MFSD6: variants seen among roughly 807,000 people sequenced by gnomAD.
The protein encoded by MFSD6 is major facilitator superfamily domain containing 6, also known as major facilitator superfamily domain-containing protein 6.
Under a neutral mutation model 56.3 loss-of-function variants are expected in MFSD6, and 26 were observed. That is an observed-to-expected ratio of 0.46 (90% CI 0.34 to 0.64). The LOEUF (loss-of-function observed/expected upper bound fraction) is 0.64, where lower values mean the gene tolerates loss of function less well. MFSD6 is among the 30% of genes least tolerant of loss of function. The pLI is 0.01. For missense variants in MFSD6, 750 were observed against 986.2 expected (o/e 0.76, Z 3.21); for synonymous variants, 331 against 366.9 (o/e 0.90, Z 1.12).
intron 4 of MFSD6, among the ~76,000 whole-genome samples, chr2:190,484,801 C>A (rs529084052): frequency 6.6e-6 from 1 of 152,124 alleles, no homozygotes; most frequent in African/African-American, 2.4e-5. Flanking sequence ...TTCACTTATA[C>A]GATATCTTAA....
At position 190,436,572 on chromosome 2, in the gene MFSD6, A is replaced by C. The variant is rs1290766228; in HGVS notation, c.543A>C (p.Thr181=). The change falls in exon 3 of 8, where the codon ACA becomes ACC. Residue 181 remains threonine, a synonymous_variant. Transcript: ENST00000392328. This position sits in a 1 kb window ranked among gnomAD's most constrained non-coding sequence, Gnocchi z 5.3. Reference sequence around the variant, plus strand: ...GTCACCAGTTAACTATCCTGCCAACAAATTCTTCCTTTACCTCTTTCCTCA... The same window carrying C: ...GTCACCAGTTAACTATCCTGCCAACCAATTCTTCCTTTACCTCTTTCCTCA... ...NASHQLTILP[T]NSSFTSFLTI... The C allele has an allele frequency of 6.2e-7, 1 of 1,614,108 alleles. No individual in the cohort carries two copies. The highest frequency in any genetic ancestry group is 1.3e-5 in the African/African-American group (1 of 74,934).
At chr2:190,453,312 C>G (rs375193315) in intron 3 of MFSD6, among the ~76,000 whole-genome samples, 37 of 152,060 alleles carry the variant, frequency 2.4e-4, no homozygotes, top group African/African-American at 8.4e-4. Context: ...GAAGAGGATC[C>G]TGGAGTTTGG....
rs911267436 is a variant in MFSD6 at position 190,436,585 on chromosome 2, A to G, written c.556A>G (p.Thr186Ala). The change falls in exon 3 of 8, where the codon ACC (threonine) becomes GCC (alanine). Residue 186 changes from threonine to alanine, a missense_variant. Transcript: ENST00000392328. The surrounding 1 kb of genome is among the most constrained non-coding windows in gnomAD (Gnocchi z 5.3). ...LTILPTNSSF[T>A]SFLTISPKMR... ...TATCCTGCCAACAAATTCTTCCTTT[A>G]CCTCTTTCCTCACCATATCACCAAA... is the stretch of plus-strand genomic sequence containing the variant. The G allele has an allele frequency of 6.2e-7, 1 of 1,614,012 alleles. No homozygotes were observed. The highest frequency in any genetic ancestry group is 1.3e-5 in the African/African-American group (1 of 74,900).
At chr2:190,486,475 T>C (rs910962767) in intron 4 of MFSD6, among the ~76,000 whole-genome samples, 1 of 152,234 alleles carries the variant, frequency 6.6e-6, no homozygotes, top group African/African-American at 2.4e-5. Context: ...GGCTAGAGTC[T>C]TCAACTTGGC....
rs1690610488 is a variant in MFSD6 at position 190,412,727 on chromosome 2, G to T, written c.-175-2565G>T. 1.9e-6 allele frequency: 1 copy of T among 537,052 alleles called. No homozygotes were observed. The highest frequency in any genetic ancestry group is 2.4e-6 in the Non-Finnish European group (1 of 420,664). 33.3% of individuals were successfully genotyped at this position (537,052 alleles called of 1,614,324 possible). A position where few individuals can be genotyped will look rare whatever the true frequency, so the allele number is the denominator to read the frequency against. ...TACTGGCATTTTGGGGGTGAGAGGG[G>T]CTTGTGTCAGCCTGATTTGTTTTCC... On this transcript the variant is annotated intron_variant, in intron 1 of 7. Coordinates refer to ENST00000392328, the MANE Select transcript of MFSD6 (RefSeq NM_017694.4). The surrounding 1 kb of genome is among the most constrained non-coding windows in gnomAD (Gnocchi z 4.1).
intron 3 of MFSD6, among the ~76,000 whole-genome samples, chr2:190,460,321 G>A (rs1209076100): frequency 6.6e-6 from 1 of 151,982 alleles, no homozygotes; most frequent in East Asian, 1.9e-4. Context: ...ATATTTCTAG[G>A]CCTCTTTTTT....
chr2:190,420,639 TTAAA>T (rs1685574443), intron 2 of MFSD6, among the ~76,000 whole-genome samples: 1 of 152,238 alleles, frequency 6.6e-6, no homozygotes, highest in Non-Finnish European at 1.5e-5. Flanking sequence ...TTAAGACAAA[TTAAA>T]TATAATCCAC....
chr2:190,499,700 T>C lies in MFSD6; in HGVS notation c.2173-315T>C, dbSNP rs1689923197. On this transcript the variant is annotated intron_variant, in intron 7 of 7. Coordinates refer to ENST00000392328, the MANE Select transcript of MFSD6 (RefSeq NM_017694.4). The surrounding 1 kb of genome is among the most constrained non-coding windows in gnomAD (Gnocchi z 6.0). ...CTTGCCCAGCGACTTGCCACATGGC[T>C]TGGGGGGCTCAGTAAATATTTGCTG... 1 of 1,005,322 alleles carries C rather than the reference T, an allele frequency of 9.9e-7. No homozygotes were observed. The highest frequency in any genetic ancestry group is 1.7e-5 in the African/African-American group (1 of 60,184). 62.3% of individuals were successfully genotyped at this position (1,005,322 alleles called of 1,614,324 possible). A position where few individuals can be genotyped will look rare whatever the true frequency, so the allele number is the denominator to read the frequency against.
At chr2:190,476,130 A>C (rs1213880572) in intron 4 of MFSD6, among the ~76,000 whole-genome samples, 1 of 152,148 alleles carries the variant, frequency 6.6e-6, no homozygotes, top group Non-Finnish European at 1.5e-5. Context: ...CCTAGGCAAT[A>C]CCATTCAGGA....
At chr2:190,411,945 CA>C in intron 1 of MFSD6, 2 of 985,350 alleles carry the variant, frequency 2.0e-6, no homozygotes, top group Non-Finnish European at 2.4e-6. Flanking sequence ...CTGTACAGAA[CA>C]ATCTGGTAGA....
At chr2:190,409,682 G>A (rs931225780) in intron 1 of MFSD6, among the ~76,000 whole-genome samples, 2 of 152,210 alleles carry the variant, frequency 1.3e-5, no homozygotes, top group Admixed American at 1.3e-4. Context: ...AAAAGGAGAT[G>A]TGTACTTGGT....
Position 190,433,837 on chromosome 2 carries a change from CAA to C in MFSD6, c.-53-2138_-53-2137del, listed in dbSNP as rs1046176853. 6.6e-6 allele frequency among the ~76,000 whole-genome samples: 1 copy of C among 152,048 alleles called. No homozygotes were observed. Among genetic ancestry groups the C allele is most frequent in the Non-Finnish European group, 1.5e-5 (1 of 67,996 alleles). Reference sequence around the variant, plus strand: ...CAGAATGTTATTCATTTTGGGAAAACAAAGAGCAAGATCTATTCCAAGGGGTA... The same window carrying C: ...CAGAATGTTATTCATTTTGGGAAAACAGAGCAAGATCTATTCCAAGGGGTA... On this transcript the variant is annotated intron_variant, in intron 2 of 7. Coordinates refer to ENST00000392328, the MANE Select transcript of MFSD6 (RefSeq NM_017694.4). The surrounding 1 kb of genome is among the most constrained non-coding windows in gnomAD (Gnocchi z 4.5).
At position 190,490,360 on chromosome 2, in the gene MFSD6, A is replaced by C. The variant is rs1179743998; in HGVS notation, c.1891+494A>C. Among the ~76,000 whole-genome samples, 4 of 151,978 alleles carry C rather than the reference A, an allele frequency of 2.6e-5. No individual in the cohort carries two copies. Among genetic ancestry groups the C allele is most frequent in the Non-Finnish European group, 5.9e-5 (4 of 67,976 alleles). On this transcript the variant is annotated intron_variant, in intron 6 of 7. Transcript: ENST00000392328. The surrounding 1 kb of genome is among the most constrained non-coding windows in gnomAD (Gnocchi z 4.5). ...GGGTGGATCACGAGGTTAGGAGATC[A>C]AGACCATCTTGGCTAACACGGTGAA... is the stretch of plus-strand genomic sequence containing the variant.
intron 3 of MFSD6, among the ~76,000 whole-genome samples, chr2:190,453,523 A>G (rs1686859933): frequency 6.6e-6 from 1 of 152,244 alleles, no homozygotes; most frequent in South Asian, 2.1e-4. Context: ...TCAAAGAAGG[A>G]ACATGCCGTT....
At chr2:190,476,946 T>G (rs909612920) in intron 4 of MFSD6, among the ~76,000 whole-genome samples, 33 of 150,896 alleles carry the variant, frequency 2.2e-4, no homozygotes, top group South Asian at 1.0e-3. Context: ...CAGCAAACTA[T>G]TGTAAGGACA....
intron 3 of MFSD6, among the ~76,000 whole-genome samples, chr2:190,449,423 G>A (rs1001222473): frequency 2.6e-5 from 4 of 151,910 alleles, no homozygotes; most frequent in Non-Finnish European, 5.9e-5. Context: ...GCAGTGAGCC[G>A]AGATGGCACC....
At chr2:190,472,551 G>T (rs1011181569) in intron 4 of MFSD6, among the ~76,000 whole-genome samples, 69 of 152,296 alleles carry the variant, frequency 4.5e-4, no homozygotes, top group African/African-American at 1.6e-3. Flanking sequence ...AGAATAAAAA[G>T]AAACGAACAA....
At chr2:190,428,971 C>T (rs1437969686) in intron 2 of MFSD6, among the ~76,000 whole-genome samples, 1 of 152,128 alleles carries the variant, frequency 6.6e-6, no homozygotes, top group Non-Finnish European at 1.5e-5. Flanking sequence ...CCATGCCCAG[C>T]CTCAATCTTT....
chr2:190,489,766 A>G lies in MFSD6; in HGVS notation c.1793-2A>G, dbSNP rs1689226049. The G allele has an allele frequency of 6.2e-7, 1 of 1,613,504 alleles. No homozygotes were observed. Among genetic ancestry groups the G allele is most frequent in the African/African-American group, 1.3e-5 (1 of 74,922 alleles). ...TCTATAGAGTGCTGTTTGTTTTTAT[A>G]GGGGCTGCTGCAACCTTCCGAGGAA... is the stretch of plus-strand genomic sequence containing the variant. On this transcript the variant is annotated splice_acceptor_variant, in intron 5 of 7. Transcript: ENST00000392328. LOFTEE classifies it high-confidence loss of function. This position sits in a 1 kb window ranked among gnomAD's most constrained non-coding sequence, Gnocchi z 6.6.
Sources: allele counts gnomAD v4.1 joint callset (sites outside exome capture counted in the v4.1 genomes callset), GRCh38; gene constraint gnomAD v4.1.1; non-coding constraint Gnocchi (gnomAD v3.1); transcripts MANE v1.5; gene names NCBI Gene and HGNC (gene_info 2026-07-23, HGNC 2026-07-21).